Variants in CRB1 observed in about 807,000 individuals in gnomAD.
CRB1 encodes the protein protein crumbs homolog 1.
A neutral mutation model predicts 120.0 loss-of-function variants in CRB1; 83 were observed. The observed-to-expected ratio is 0.69, with a 90% CI of 0.58 to 0.83. The LOEUF is 0.83. Ranked by LOEUF, CRB1 falls within the 40% of genes least tolerant of loss-of-function variation. CRB1 has a pLI of 0.00. For synonymous variants in CRB1, 625 were observed against 612.5 expected, an observed-to-expected ratio of 1.02 and a Z score of -0.30; for missense variants, 1,699 against 1,687.6, an observed-to-expected ratio of 1.01 and a Z score of -0.12.
At chr1:197,252,939 T>C in the CRB1 span, among the ~76,000 whole-genome samples, 1 of 151,874 alleles carries the variant, frequency 6.6e-6, no homozygotes, top group African/African-American at 2.4e-5. Context: ...GCAGATCTTC[T>C]TTACTCAGAT....
intron 1 of CRB1, among the ~76,000 whole-genome samples, chr1:197,272,560 C>A (rs989197328): frequency 6.6e-6 from 1 of 151,868 alleles, no homozygotes; most frequent in African/African-American, 2.4e-5. Context: ...TTAAGCAAAC[C>A]GTGCTACATC....
chr1:197,229,871 C>T, the CRB1 span, among the ~76,000 whole-genome samples: 1 of 152,084 alleles, frequency 6.6e-6, no homozygotes, highest in Non-Finnish European at 1.5e-5. Context: ...AAAAAAAAGA[C>T]CTACAGCTTC....
chr1:197,223,063 A>G, the CRB1 span: 2 of 791,106 alleles, frequency 2.5e-6, no homozygotes, highest in Admixed American at 1.7e-5. Context: ...AGGCAAAATA[A>G]GTGAAGAACC....
chr1:197,364,260 G>T (rs1399481209), intron 5 of CRB1, among the ~76,000 whole-genome samples: 1 of 152,134 alleles, frequency 6.6e-6, no homozygotes, highest in Non-Finnish European at 1.5e-5. Flanking sequence ...AAAAAGAAAA[G>T]TGGCGTTGCC....
intron 11 of CRB1, among the ~76,000 whole-genome samples, chr1:197,476,945 AAC>A (rs1356818125): frequency 1.2e-4 from 18 of 152,170 alleles, no homozygotes; most frequent in Non-Finnish European, 4.4e-5. Flanking sequence ...AGTGTTTGCA[AAC>A]ACATCGGAAT....
chr1:197,381,507 T>C (rs1024611658), intron 5 of CRB1, among the ~76,000 whole-genome samples: 1 of 152,214 alleles, frequency 6.6e-6, no homozygotes, highest in African/African-American at 2.4e-5. Context: ...CCGTGAAGCA[T>C]TCAGGCATCA....
intron 1 of CRB1, among the ~76,000 whole-genome samples, chr1:197,297,638 CA>C (rs2125248366): frequency 6.6e-6 from 1 of 152,128 alleles, no homozygotes; most frequent in Middle Eastern, 3.4e-3. Flanking sequence ...TGGGGGATAT[CA>C]ATCTATACGT....
At chr1:197,420,110 T>C (rs1376453621) in intron 5 of CRB1, among the ~76,000 whole-genome samples, 1 of 152,122 alleles carries the variant, frequency 6.6e-6, no homozygotes, top group Non-Finnish European at 1.5e-5. Flanking sequence ...TAAGAATATC[T>C]GCTTTGAAAA....
chr1:197,355,528 C>T (rs1025078695), intron 4 of CRB1, among the ~76,000 whole-genome samples: 35 of 152,294 alleles, frequency 2.3e-4, no homozygotes, highest in African/African-American at 6.7e-4. Context: ...CTGCAGGTTC[C>T]GAGCCCTGTC....
intron 5 of CRB1, among the ~76,000 whole-genome samples, chr1:197,370,677 G>A (rs1385955387): frequency 1.3e-5 from 2 of 152,138 alleles, no homozygotes; most frequent in Non-Finnish European, 2.9e-5. Context: ...AATGTTAAGA[G>A]GAAAGTTTAT....
the CRB1 span, among the ~76,000 whole-genome samples, chr1:197,231,466 T>A: frequency 6.6e-6 from 1 of 152,026 alleles, no homozygotes; most frequent in Admixed American, 6.6e-5. Flanking sequence ...GAGGGATGTA[T>A]GCTAAAGTCA....
chr1:197,276,421 C>T (rs1655211237), intron 1 of CRB1, among the ~76,000 whole-genome samples: 1 of 151,452 alleles, frequency 6.6e-6, no homozygotes, highest in East Asian at 1.9e-4. Flanking sequence ...TTATTGAGGG[C>T]CGTAAATCTA....
At chr1:197,395,167 G>A (rs1320147488) in intron 5 of CRB1, among the ~76,000 whole-genome samples, 2 of 152,184 alleles carry the variant, frequency 1.3e-5, no homozygotes, top group African/African-American at 2.4e-5. Flanking sequence ...AGTACATGCA[G>A]CAGAAAAACT....
At chr1:197,217,004 G>A in the CRB1 span, among the ~76,000 whole-genome samples, 3 of 151,902 alleles carry the variant, frequency 2.0e-5, no homozygotes, top group African/African-American at 4.8e-5. Context: ...TAAGGATCTA[G>A]TATCTAGAAT....
At chr1:197,381,765 TTAAC>T (rs1316334332) in intron 5 of CRB1, among the ~76,000 whole-genome samples, 1 of 152,196 alleles carries the variant, frequency 6.6e-6, no homozygotes, top group Non-Finnish European at 1.5e-5. Context: ...CCACATCCAC[TTAAC>T]TAACATGAAA....
At chr1:197,221,640 T>G in the CRB1 span, among the ~76,000 whole-genome samples, 1 of 152,234 alleles carries the variant, frequency 6.6e-6, no homozygotes, top group Non-Finnish European at 1.5e-5. Flanking sequence ...CTGTGGGATA[T>G]GCCTTCATAT....
chr1:197,364,242 CAA>C (rs1355079771), intron 5 of CRB1, among the ~76,000 whole-genome samples: 2 of 151,762 alleles, frequency 1.3e-5, no homozygotes, highest in Non-Finnish European at 2.9e-5. Flanking sequence ...AATATGTTTG[CAA>C]AAAAGAAAAA....
chr1:197,470,232 TG>T (rs1031182058), intron 11 of CRB1, among the ~76,000 whole-genome samples: 6 of 152,132 alleles, frequency 3.9e-5, no homozygotes, highest in African/African-American at 1.4e-4. Context: ...TGCACCTGAA[TG>T]GGGCTTCCAT....
intron 5 of CRB1, among the ~76,000 whole-genome samples, chr1:197,390,180 TG>T (rs1042822046): frequency 5.3e-5 from 1 of 18,726 alleles, no homozygotes; most frequent in Non-Finnish European, 1.0e-4. Flanking sequence ...GGTGTTTGTG[TG>T]GGGGGGAGGG....
Sources: gnomAD v4.1 joint callset for allele counts (sites outside exome capture counted in the v4.1 genomes callset) on GRCh38, gnomAD v4.1.1 for gene constraint, MANE v1.5 for transcripts, NCBI Gene and HGNC (gene_info 2026-07-23, HGNC 2026-07-21) for gene names.